Variants in TMEM242 observed in about 807,000 individuals in gnomAD.
The protein encoded by TMEM242 is transmembrane protein 242, also known as UPF0463 transmembrane protein C6orf35.
TMEM242 carries 10 observed loss-of-function variants against 18.2 expected under a neutral mutation model. That is an observed-to-expected ratio of 0.55 (90% CI 0.34 to 0.93). TMEM242 has a LOEUF of 0.93. Ranked by LOEUF, TMEM242 falls within the 40% of genes least tolerant of loss-of-function variation. TMEM242 has a pLI of 0.02. For missense variants in TMEM242, 186 were observed against 175.5 expected, an observed-to-expected ratio of 1.06 and a Z score of -0.34; for synonymous variants, 57 against 69.9, an observed-to-expected ratio of 0.81 and a Z score of 0.92.
At chr6:157,319,102 A>G (rs587641447) in intron 2 of TMEM242, among the ~76,000 whole-genome samples, 183 bp from the exon 3 acceptor site, 1 of 152,342 alleles carries the variant, frequency 6.6e-6, no homozygotes, top group East Asian at 1.9e-4. Context: ...CAGATATTTG[A>G]GTATGCAAGG....
chr6:157,300,134 C>A, intron 3 of TMEM242: 4 of 608,916 alleles, frequency 6.6e-6, no homozygotes, highest in South Asian at 5.7e-5. Context: ...CATGGCTGCT[C>A]ACTCAAGAAA....
chr6:157,311,281 T>A (rs1554248708), intron 3 of TMEM242, among the ~76,000 whole-genome samples: 5 of 150,664 alleles, frequency 3.3e-5, no homozygotes, highest in Admixed American at 6.6e-5. Flanking sequence ...TGCCCCCGTG[T>A]GCACACACCG....
intron 3 of TMEM242, among the ~76,000 whole-genome samples, chr6:157,294,361 T>C: frequency 6.8e-6 from 1 of 147,996 alleles, no homozygotes; most frequent in East Asian, 2.0e-4. Context: ...TTTTTTTTTT[T>C]TTTTTTTGAG....
chr6:157,320,468 T>C (rs190196544), intron 2 of TMEM242, among the ~76,000 whole-genome samples: 60 of 152,316 alleles, frequency 3.9e-4, no homozygotes, highest in African/African-American at 1.4e-3. Flanking sequence ...TTTGTTAGTC[T>C]TTTATTTATT....
chr6:157,290,693 TGA>T lies in TMEM242; in HGVS notation c.*2206_*2207del, dbSNP rs1336481019. 9 of 152,244 alleles carry T rather than the reference TGA, an allele frequency of 5.9e-5. No individual in the cohort carries two copies. The highest frequency in any genetic ancestry group is 2.1e-4 in the South Asian group (1 of 4,836). 9.4% of individuals were successfully genotyped at this position (152,244 alleles called of 1,614,324 possible). ...AGTTCTGACTGTGAAAAACACCACT[TGA>T]GTCATACTGCTTGTTTTCTTTTTAA... On this transcript the variant is annotated 3_prime_UTR_variant, in exon 4 of 4. Coordinates refer to ENST00000400788, the MANE Select transcript of TMEM242 (RefSeq NM_018452.6).
intron 3 of TMEM242, among the ~76,000 whole-genome samples, chr6:157,300,648 C>T (rs2128413237): frequency 6.6e-6 from 1 of 152,358 alleles, no homozygotes; most frequent in Admixed American, 6.5e-5. Context: ...AAGGATCCCA[C>T]TGCCTTGGTG....
At chr6:157,311,232 CAT>C (rs201933608) in intron 3 of TMEM242, among the ~76,000 whole-genome samples, 4 of 113,660 alleles carry the variant, frequency 3.5e-5, no homozygotes, top group Admixed American at 8.0e-5. Flanking sequence ...CTAGCCTCAT[CAT>C]AGTGTCCCAG....
At chr6:157,307,452 T>C (rs977040108) in intron 3 of TMEM242, among the ~76,000 whole-genome samples, 1 of 152,216 alleles carries the variant, frequency 6.6e-6, no homozygotes, top group Non-Finnish European at 1.5e-5. Flanking sequence ...AAGAGCTATT[T>C]TGGAAATATG....
At chr6:157,300,594 T>C (rs1554247464) in intron 3 of TMEM242, among the ~76,000 whole-genome samples, 1 of 152,202 alleles carries the variant, frequency 6.6e-6, no homozygotes, top group African/African-American at 2.4e-5. Context: ...GTCCCAGAAG[T>C]GGGCTCCTGC....
rs1777657186 is a variant in TMEM242 at position 157,289,636 on chromosome 6, G to A, written c.*3265C>T. On this transcript the variant is annotated 3_prime_UTR_variant, in exon 4 of 4. Coordinates refer to ENST00000400788, the MANE Select transcript of TMEM242 (RefSeq NM_018452.6). ...TCTTGGAGATTAAATGTTGCCCCAA[G>A]TGAAATAGCTAAATTCAATGGATTT... is the stretch of plus-strand genomic sequence containing the variant. The A allele has an allele frequency of 6.6e-6, 1 of 152,110 alleles. No homozygotes were observed. Among genetic ancestry groups the A allele is most frequent in the African/African-American group, 2.4e-5 (1 of 41,416 alleles). The allele number at this position is 152,110 out of a possible 1,614,324, so 9.4% of individuals were successfully genotyped here.
At chr6:157,297,042 C>T (rs1777759912) in intron 3 of TMEM242, among the ~76,000 whole-genome samples, 1 of 152,212 alleles carries the variant, frequency 6.6e-6, no homozygotes, top group Non-Finnish European at 1.5e-5. Context: ...GCCATATAGC[C>T]AGTAGGCCAG....
intron 2 of TMEM242, 94 bp from the exon 3 acceptor site, chr6:157,319,013 CATG>C: frequency 7.6e-7 from 1 of 1,317,408 alleles, no homozygotes; most frequent in Non-Finnish European, 1.0e-6. Context: ...GTGCAAACAA[CATG>C]ATATTAGGAA....
intron 3 of TMEM242, among the ~76,000 whole-genome samples, chr6:157,309,785 C>T (rs1777968004): frequency 6.9e-6 from 1 of 144,986 alleles, no homozygotes; most frequent in Non-Finnish European, 1.6e-5. Context: ...AACTGGACAA[C>T]TTAAAGTACT....
chr6:157,314,948 T>A (rs1778362462), intron 3 of TMEM242, among the ~76,000 whole-genome samples: 1 of 152,238 alleles, frequency 6.6e-6, no homozygotes. Context: ...CCTTTTGTAT[T>A]GGAACTGGGT....
At chr6:157,310,963 G>C (rs1554248526) in intron 3 of TMEM242, among the ~76,000 whole-genome samples, 33 of 140,060 alleles carry the variant, frequency 2.4e-4, no homozygotes, top group African/African-American at 8.5e-4. Flanking sequence ...CACTCACCTG[G>C]CCTCATCATA....
rs1554250556 is a variant in TMEM242 at position 157,318,798 on chromosome 6, G to T, written c.311C>A (p.Ala104Asp). 2 of 1,613,954 alleles carry T rather than the reference G, an allele frequency of 1.2e-6. No homozygotes were observed. Among genetic ancestry groups the T allele is most frequent in the Non-Finnish European group, 1.7e-6 (2 of 1,180,038 alleles). ...VGVISFAVWK[A>D]LGVHSMNDFR... ...GTTACTTACACTGTGAACTCCTAAAGCTTTCCAGACTGCGAAGCTAATCAC... is the reference window on the plus strand; with the variant it reads ...GTTACTTACACTGTGAACTCCTAAATCTTTCCAGACTGCGAAGCTAATCAC... The change falls in exon 3 of 4, where the codon GCT (alanine) becomes GAT (aspartate). Residue 104 changes from alanine to aspartate, a missense_variant. Coordinates refer to ENST00000400788, the MANE Select transcript of TMEM242 (RefSeq NM_018452.6).
intron 3 of TMEM242, among the ~76,000 whole-genome samples, chr6:157,312,714 G>T (rs113948915): frequency 1.9e-3 from 40 of 21,076 alleles, no homozygotes; most frequent in South Asian, 7.9e-3. Context: ...GCGCTCACCT[G>T]GCCTCATCTT....
chr6:157,312,658 G>C (rs1554249364), intron 3 of TMEM242, among the ~76,000 whole-genome samples: 3 of 134,110 alleles, frequency 2.2e-5, no homozygotes, highest in African/African-American at 5.7e-5. Context: ...CCTCATCATA[G>C]TGCCCCAGGG....
At chr6:157,299,951 T>C in intron 3 of TMEM242, 1 of 1,583,252 alleles carries the variant, frequency 6.3e-7, no homozygotes, top group South Asian at 1.1e-5. Context: ...GACCTTACTG[T>C]GATGAGCGGG....
Sources: allele counts gnomAD v4.1 joint callset (sites outside exome capture counted in the v4.1 genomes callset), GRCh38; gene constraint gnomAD v4.1.1; transcripts MANE v1.5; gene names NCBI Gene and HGNC (gene_info 2026-07-23, HGNC 2026-07-21).